Variants in NECAB2 observed in about 807,000 individuals in gnomAD.
The protein encoded by NECAB2 is N-terminal EF-hand calcium-binding protein 2.
NECAB2 carries 68 observed loss-of-function variants against 51.9 expected under a neutral mutation model. The observed-to-expected ratio is 1.31, with a 90% CI of 1.08 to 1.60. The LOEUF (loss-of-function observed/expected upper bound fraction) is 1.60. Ranked by LOEUF, NECAB2 falls within the 40% of genes most tolerant of loss-of-function variation. The pLI, the probability that NECAB2 is intolerant of heterozygous loss-of-function variation, is 0.00. For synonymous variants in NECAB2, 329 were observed against 203.5 expected, an observed-to-expected ratio of 1.62 and a Z score of -5.25; for missense variants, 854 against 490.3, an observed-to-expected ratio of 1.74 and a Z score of -7.00.
rs768467040 is a variant in NECAB2 at position 83,990,575 on chromosome 16, C to G, written c.541C>G (p.Leu181Val). 8.1e-6 allele frequency: 13 copies of G among 1,614,060 alleles called. No individual in the cohort carries two copies. The highest frequency in any genetic ancestry group is 2.7e-5 in the African/African-American group (2 of 74,928). The change falls in exon 6 of 13, where the codon CTG (leucine) becomes GTG (valine). Residue 181 changes from leucine to valine, a missense_variant. By Grantham distance (32) the Leu-to-Val change is conservative (BLOSUM62 1). Coordinates refer to ENST00000305202, the MANE Select transcript of NECAB2 (RefSeq NM_019065.3). ...GACGGCCAATCAGATCCAGTCGCTG[C>G]TGAGCTCAGTGGAGAGTGCGGTGGA... Reference protein sequence around the residue: ...KETANQIQSLLSSVESAVEAI... With the variant: ...KETANQIQSLVSSVESAVEAI...
chr16:83,998,106 T>G, intron 9 of NECAB2, 99 bp from the exon 10 acceptor site: 1 of 1,053,902 alleles, frequency 9.5e-7, no homozygotes, highest in Middle Eastern at 2.0e-4. Flanking sequence ...GAGGGTTATT[T>G]TATTTTGACC....
At position 83,990,635 on chromosome 16, in the gene NECAB2, G is replaced by A; in HGVS notation, c.596+5G>A. 1 of 1,614,000 alleles carries A rather than the reference G, an allele frequency of 6.2e-7. No homozygotes were observed. Among genetic ancestry groups the A allele is most frequent in the Non-Finnish European group, 8.5e-7 (1 of 1,180,020 alleles). On this transcript the variant is annotated splice_donor_5th_base_variant and intron_variant, in intron 6 of 12. Transcript: ENST00000305202. ...GGAACAGACCAGCCAGCTCCGGTGA[G>A]TCTCTGAGACCCTGCAGGGTCCCAT...
At chr16:83,997,675 G>A (rs1053042684) in intron 9 of NECAB2, among the ~76,000 whole-genome samples, 1 of 150,700 alleles carries the variant, frequency 6.6e-6, no homozygotes, top group Non-Finnish European at 1.5e-5. Context: ...ATTTTTAGTA[G>A]AGACGGACAG....
chr16:83,969,340 CAA>C (rs966929474), intron 1 of NECAB2, among the ~76,000 whole-genome samples: 1 of 152,074 alleles, frequency 6.6e-6, no homozygotes, highest in Non-Finnish European at 1.5e-5. Flanking sequence ...ATCTCACGCT[CAA>C]AGACCCTTTG....
At chr16:83,986,422 G>A (rs953692807) in intron 5 of NECAB2, among the ~76,000 whole-genome samples, 5 of 152,228 alleles carry the variant, frequency 3.3e-5, no homozygotes, top group East Asian at 3.8e-4. Context: ...TAGCAATTCC[G>A]AAATCAGTTG....
chr16:83,997,284 C>T lies in NECAB2; in HGVS notation c.849+15C>T, dbSNP rs770492093. ...GCACCAACATGGTGAGGCCCCTTCC[C>T]ACCTCTCTTCTGGGACCACATCCCT... On this transcript the variant is annotated intron_variant, in intron 9 of 12. Transcript: ENST00000305202. 3 of 1,614,048 alleles carry T rather than the reference C, an allele frequency of 1.9e-6. No individual in the cohort carries two copies. The highest frequency in any genetic ancestry group is 2.5e-6 in the Non-Finnish European group (3 of 1,179,986).
chr16:83,997,850 A>G (rs12926485), intron 9 of NECAB2, among the ~76,000 whole-genome samples: 10,717 of 152,186 alleles, frequency 0.07, 406 homozygotes, highest in East Asian at 0.15. Context: ...GTGATCAGCC[A>G]GACAGTGATG....
chr16:83,970,060 C>G (rs2084332140), intron 1 of NECAB2, among the ~76,000 whole-genome samples: 1 of 152,188 alleles, frequency 6.6e-6, no homozygotes, highest in Admixed American at 6.5e-5. Flanking sequence ...CAAACCATCC[C>G]CTCCTCAGGA....
Position 84,002,383 on chromosome 16 carries a change from CCTT to C in NECAB2, c.*44_*46del, listed in dbSNP as rs778951984. 6.8e-5 allele frequency: 110 copies of C among 1,606,104 alleles called. No homozygotes were observed. Among genetic ancestry groups the C allele is most frequent in the East Asian group, 2.0e-4 (9 of 44,806 alleles). The stretch of plus-strand genomic sequence containing the variant: ...AGGCCCGTGGAGGAGCCCACCAGCC[CCTT>C]CTTCTTGTGAAGGAAATCCCGTTTT... On this transcript the variant is annotated 3_prime_UTR_variant, in exon 13 of 13. Coordinates refer to ENST00000305202, the MANE Select transcript of NECAB2 (RefSeq NM_019065.3).
chr16:83,981,936 G>A (rs1180931858), intron 5 of NECAB2, among the ~76,000 whole-genome samples: 1 of 152,294 alleles, frequency 6.6e-6, no homozygotes, highest in South Asian at 2.1e-4. Context: ...TGAGGCCGGG[G>A]AACTTAGCTG....
At chr16:83,984,533 G>C (rs1052003652) in intron 5 of NECAB2, among the ~76,000 whole-genome samples, 1 of 151,740 alleles carries the variant, frequency 6.6e-6, no homozygotes, top group Non-Finnish European at 1.5e-5. Context: ...GACCACCCTG[G>C]GCAACATAGT....
chr16:83,969,735 A>G (rs1260449753), intron 1 of NECAB2, among the ~76,000 whole-genome samples: 1 of 150,436 alleles, frequency 6.6e-6, no homozygotes, highest in Non-Finnish European at 1.5e-5. Flanking sequence ...GCTTCTGGGG[A>G]TGTTGACTGC....
At chr16:83,968,915 T>G in intron 1 of NECAB2, 66 bp downstream of exon 1, 1 of 967,336 alleles carries the variant, frequency 1.0e-6, no homozygotes, top group African/African-American at 1.8e-5. Context: ...CCTCCGCCCC[T>G]CGGGCGGACC....
At chr16:83,998,796 G>GTCCTTCTCC (rs1555549543) in intron 10 of NECAB2, among the ~76,000 whole-genome samples, 3 of 121,524 alleles carry the variant, frequency 2.5e-5, no homozygotes, top group African/African-American at 1.6e-4. Flanking sequence ...TCATGTAGTT[G>GTCCTTCTCC]CCCTTCTCCC....
At chr16:84,002,269 G>T in intron 12 of NECAB2, 49 bp from the exon 13 acceptor site, 9 of 1,603,478 alleles carry the variant, frequency 5.6e-6, no homozygotes, top group South Asian at 1.1e-5. Context: ...CAGCTACGAG[G>T]CTGCCCACAT....
upstream of NECAB2, chr16:83,965,966 G>A: frequency 6.2e-7 from 1 of 1,605,910 alleles, no homozygotes; most frequent in Non-Finnish European, 8.5e-7. Flanking sequence ...CTTGGCTGTG[G>A]CCAGCTCCCT....
chr16:83,999,175 T>C (rs1334284074), intron 10 of NECAB2, among the ~76,000 whole-genome samples: 1 of 152,072 alleles, frequency 6.6e-6, no homozygotes, highest in African/African-American at 2.4e-5. Flanking sequence ...GCCTGACCTG[T>C]AGCACGAGGG....
intron 1 of NECAB2, chr16:83,971,736 T>C: frequency 4.3e-6 from 1 of 233,884 alleles, no homozygotes; most frequent in Non-Finnish European, 8.3e-6. Context: ...ACACCAGGGG[T>C]TTTGGAAGGA....
In NECAB2 at chr16:83,968,573, A is replaced by C; in HGVS notation, c.-76A>C. ...GCGGGGCGGCGCGGGCAGCGCGGGG[A>C]GGGGGTCGCGCGGGGGCGGGCCGCA... On this transcript the variant is annotated 5_prime_UTR_variant, in exon 1 of 13. Transcript: ENST00000305202. 1 of 939,798 alleles carries C rather than the reference A, an allele frequency of 1.1e-6. No individual in the cohort carries two copies. Among genetic ancestry groups the C allele is most frequent in the Non-Finnish European group, 1.3e-6 (1 of 795,440 alleles). The allele number at this position is 939,798 out of a possible 1,614,324, so 58.2% of individuals were successfully genotyped here. A position where few individuals can be genotyped will look rare whatever the true frequency, so the allele number is the denominator to read the frequency against.
Sources: allele counts gnomAD v4.1 joint callset (sites outside exome capture counted in the v4.1 genomes callset), GRCh38; gene constraint gnomAD v4.1.1; transcripts MANE v1.5; gene names NCBI Gene and HGNC (gene_info 2026-07-23, HGNC 2026-07-21).